ERBB4: variants seen among roughly 807,000 people sequenced by gnomAD.
ERBB4 encodes the protein erb-b2 receptor tyrosine kinase 4.
A neutral mutation model predicts 158.0 loss-of-function variants in ERBB4; 42 were observed. The observed-to-expected ratio is 0.27, with a 90% confidence interval of 0.21 to 0.34. The LOEUF (loss-of-function observed/expected upper bound fraction) is 0.34, where lower values mean the gene tolerates loss of function less well. Among genes scored for constraint, ERBB4 ranks in the 10% least tolerant of loss-of-function variants. The pLI is 1.00. For synonymous variants in ERBB4, 583 were observed against 558.7 expected (o/e 1.04, Z -0.61); for missense variants, 1,333 against 1,624.1 (o/e 0.82, Z 3.08).
intron 1 of ERBB4, among the ~76,000 whole-genome samples, chr2:212,474,822 CTTTTTTTTTT>C (rs539959668): frequency 1.1e-5 from 1 of 94,412 alleles, no homozygotes; most frequent in African/African-American, 6.1e-5. Context: ...CCCGGCCATT[CTTTTTTTTTT>C]TTTTTTTTGT....
At chr2:211,566,367 G>T (rs566772715) in intron 19 of ERBB4, among the ~76,000 whole-genome samples, 1 of 152,296 alleles carries the variant, frequency 6.6e-6, no homozygotes, top group East Asian at 1.9e-4. Flanking sequence ...TAGGTAAATA[G>T]GAGACACCCA....
intron 4 of ERBB4, among the ~76,000 whole-genome samples, chr2:211,776,218 G>GT (rs1286210707): frequency 1.3e-5 from 2 of 152,162 alleles, no homozygotes; most frequent in African/African-American, 4.8e-5. Context: ...CTTAGATGGA[G>GT]TTTTTTACAA....
At chr2:212,473,563 G>C (rs909768290) in intron 1 of ERBB4, among the ~76,000 whole-genome samples, 2 of 152,012 alleles carry the variant, frequency 1.3e-5, no homozygotes, top group African/African-American at 2.4e-5. Flanking sequence ...ACAACACTGT[G>C]ATTCAATTTT....
At chr2:211,721,537 A>C (rs1437378628) in intron 7 of ERBB4, among the ~76,000 whole-genome samples, 1 of 144,710 alleles carries the variant, frequency 6.9e-6, no homozygotes, top group Non-Finnish European at 1.5e-5. Flanking sequence ...TTGAATCCTC[A>C]GGATGTTATC....
At chr2:211,577,414 T>C (rs952172565) in intron 19 of ERBB4, among the ~76,000 whole-genome samples, 8 of 151,944 alleles carry the variant, frequency 5.3e-5, no homozygotes, top group Non-Finnish European at 2.9e-5. Flanking sequence ...GTACCTTGTC[T>C]TGCGGTGGAT....
At chr2:211,808,795 T>C (rs1276569762) in intron 3 of ERBB4, among the ~76,000 whole-genome samples, 1 of 152,186 alleles carries the variant, frequency 6.6e-6, no homozygotes, top group African/African-American at 2.4e-5. Flanking sequence ...GTATCCTCTT[T>C]TATTTCATTG....
intron 13 of ERBB4, among the ~76,000 whole-genome samples, chr2:211,676,118 T>C (rs560840549): frequency 6.6e-6 from 1 of 152,122 alleles, no homozygotes; most frequent in East Asian, 1.9e-4. Context: ...GAAGTTGGGA[T>C]ATAAACTGGT....
At chr2:211,697,100 T>C (rs1020102798) in intron 12 of ERBB4, among the ~76,000 whole-genome samples, 1 of 148,012 alleles carries the variant, frequency 6.8e-6, no homozygotes, top group Non-Finnish European at 1.5e-5. Flanking sequence ...TTTAACTTTC[T>C]TAATGTATGT....
chr2:211,649,924 T>C (rs1402848826), intron 16 of ERBB4, among the ~76,000 whole-genome samples: 1 of 151,982 alleles, frequency 6.6e-6, no homozygotes, highest in Non-Finnish European at 1.5e-5. Flanking sequence ...CAAAGCACTC[T>C]CTGCTAATTA....
At chr2:211,919,164 C>A (rs2079790747) in intron 3 of ERBB4, among the ~76,000 whole-genome samples, 1 of 152,016 alleles carries the variant, frequency 6.6e-6, no homozygotes, top group African/African-American at 2.4e-5. Flanking sequence ...TAAGATTCAG[C>A]TTTTTATGGG....
intron 3 of ERBB4, among the ~76,000 whole-genome samples, chr2:211,903,025 C>G (rs1315211555): frequency 3.9e-5 from 6 of 152,080 alleles, no homozygotes; most frequent in African/African-American, 1.4e-4. Context: ...GTCAAACTTT[C>G]TTCTGCAATG....
chr2:212,365,090 A>T (rs903878554), intron 1 of ERBB4, among the ~76,000 whole-genome samples: 2 of 151,714 alleles, frequency 1.3e-5, no homozygotes, highest in Non-Finnish European at 2.9e-5. Flanking sequence ...TTGAAAAAAA[A>T]TGCTTAAAAC....
chr2:212,141,224 A>G (rs2080464794), intron 1 of ERBB4, among the ~76,000 whole-genome samples: 1 of 151,956 alleles, frequency 6.6e-6, no homozygotes, highest in African/African-American at 2.4e-5. Flanking sequence ...ATTGTTATGC[A>G]TTATATTAGA....
chr2:211,799,667 T>C (rs2076456851), intron 3 of ERBB4, among the ~76,000 whole-genome samples: 1 of 152,138 alleles, frequency 6.6e-6, no homozygotes, highest in Admixed American at 6.5e-5. Context: ...TATAAAATGG[T>C]GATAACTCAT....
At chr2:212,244,310 A>G (rs13432102) in intron 1 of ERBB4, among the ~76,000 whole-genome samples, 6,317 of 152,228 alleles carry the variant, frequency 0.041, 395 homozygotes, top group African/African-American at 0.14. Flanking sequence ...ACACGGAGGA[A>G]GTCTAGCCAA....
intron 1 of ERBB4, among the ~76,000 whole-genome samples, chr2:212,411,946 T>C (rs987404760): frequency 2.0e-5 from 3 of 152,148 alleles, no homozygotes; most frequent in South Asian, 2.1e-4. Context: ...ATCTGGTCTA[T>C]GGGAAAGACT....
intron 1 of ERBB4, among the ~76,000 whole-genome samples, chr2:212,372,138 G>A (rs116412777): frequency 1.1e-3 from 170 of 152,126 alleles, no homozygotes; most frequent in Middle Eastern, 6.8e-3. Flanking sequence ...CCTGAATCTC[G>A]TAGCCCCCTT....
chr2:211,975,229 G>T (rs754986147), intron 2 of ERBB4, among the ~76,000 whole-genome samples: 48 of 152,250 alleles, frequency 3.2e-4, no homozygotes, highest in Non-Finnish European at 6.3e-4. Flanking sequence ...GGAGCTATCC[G>T]CCTCCACCGC....
intron 2 of ERBB4, among the ~76,000 whole-genome samples, chr2:212,052,281 C>T (rs1283942385): frequency 6.6e-6 from 1 of 152,164 alleles, no homozygotes; most frequent in Non-Finnish European, 1.5e-5. Context: ...CAGTGGTTTG[C>T]CAGGGGGGTC....
Sources: allele counts gnomAD v4.1 joint callset (sites outside exome capture counted in the v4.1 genomes callset), GRCh38; gene constraint gnomAD v4.1.1; transcripts MANE v1.5; gene names NCBI Gene and HGNC (gene_info 2026-07-23, HGNC 2026-07-21).